The following DCC variants were observed in gnomAD, a reference collection of about 807,000 sequenced individuals.
DCC encodes DCC netrin 1 receptor, also known as netrin receptor DCC.
In DCC, 58 loss-of-function variants were observed where a neutral mutation model predicts 172.5. That is an observed-to-expected ratio of 0.34 (90% confidence interval 0.27 to 0.42). The LOEUF is 0.42. Ranked by LOEUF, DCC falls within the 10% of genes least tolerant of loss-of-function variation. The probability of loss-of-function intolerance (pLI) is 1.00; values close to 1 mark genes in which losing one functional copy is unlikely to be tolerated. For synonymous variants in DCC, 709 were observed against 644.5 expected (o/e 1.10, Z -1.52); for missense variants, 1,740 against 1,791.0 (o/e 0.97, Z 0.51).
intron 22 of DCC, among the ~76,000 whole-genome samples, chr18:53,444,674 A>G (rs1912488151): frequency 6.6e-6 from 1 of 152,260 alleles, no homozygotes; most frequent in Admixed American, 6.5e-5. Flanking sequence ...GTATTTTTAA[A>G]TTAAGGTGTG....
intron 12 of DCC, among the ~76,000 whole-genome samples, chr18:53,232,421 T>C (rs914766823): frequency 2.0e-5 from 3 of 152,184 alleles, no homozygotes; most frequent in East Asian, 1.9e-4. Flanking sequence ...CATTATCTTA[T>C]GGACTTATTA....
At position 53,516,690 on chromosome 18, in the gene DCC, T is replaced by C. The variant is rs1348891247; in HGVS notation, c.4112-9927T>C. Among the ~76,000 whole-genome samples, 3 of 150,234 alleles carry C rather than the reference T, an allele frequency of 2.0e-5. No homozygotes were observed. The East Asian group carries it at 5.9e-4, about 29-fold the overall frequency. On this transcript the variant is annotated intron_variant, in intron 27 of 28. Transcript: ENST00000442544. ...CACATTTATGCAGCCAAAAAACACA[T>C]GAAAAAATGCTTATCATCACTGGCC...
chr18:52,994,035 C>T (rs1235322499), intron 5 of DCC, among the ~76,000 whole-genome samples: 1 of 152,012 alleles, frequency 6.6e-6, no homozygotes, highest in African/African-American at 2.4e-5. Context: ...CTATCCAGCT[C>T]AGTTATGTTA....
chr18:52,409,630 G>T (rs2144399437), intron 1 of DCC, among the ~76,000 whole-genome samples: 1 of 152,154 alleles, frequency 6.6e-6, no homozygotes, highest in South Asian at 2.1e-4. Flanking sequence ...AGTGACATGT[G>T]GGAACAAAGA....
intron 17 of DCC, among the ~76,000 whole-genome samples, chr18:53,395,895 G>A (rs148843589): frequency 0.11 from 16,940 of 152,054 alleles, 1,018 homozygotes; most frequent in East Asian, 0.22. Context: ...CATCCGCCTC[G>A]GCCTCCCAAA....
At chr18:53,309,396 T>C (rs759749114) in intron 13 of DCC, among the ~76,000 whole-genome samples, 51 of 152,092 alleles carry the variant, frequency 3.4e-4, no homozygotes, top group Non-Finnish European at 6.2e-4. Flanking sequence ...CCAGGATGAC[T>C]TCATCTTGAG....
chr18:52,991,576 T>G (rs1024413763), intron 5 of DCC, among the ~76,000 whole-genome samples: 1 of 152,184 alleles, frequency 6.6e-6, no homozygotes, highest in African/African-American at 2.4e-5. Context: ...AGTTTCTCTC[T>G]CTACATGATT....
At chr18:52,957,445 A>G (rs1333745715) in intron 5 of DCC, among the ~76,000 whole-genome samples, 1 of 152,134 alleles carries the variant, frequency 6.6e-6, no homozygotes. Context: ...CAGCAGAACA[A>G]AGGAACTAAA....
rs532905516 is a variant in DCC, at chr18:53,076,955, A to G, written c.1261+10789A>G. On this transcript the variant is annotated intron_variant, in intron 7 of 28. Coordinates refer to ENST00000442544, the MANE Select transcript of DCC (RefSeq NM_005215.4). ...GCTCCATTCTTGCCTCTGTAGCCTT[A>G]TCATTTGTGCACCTTTATGCCACCA... is the stretch of plus-strand genomic sequence containing the variant. Among the ~76,000 whole-genome samples, 8 of 152,274 alleles carry G rather than the reference A, an allele frequency of 5.3e-5. No homozygotes were observed. In the East Asian group the frequency reaches 1.5e-3, roughly 29 times the overall value.
At chr18:53,459,073 AG>A (rs1599173057) in intron 23 of DCC, among the ~76,000 whole-genome samples, 158 bp from the exon 24 acceptor site, 1 of 152,204 alleles carries the variant, frequency 6.6e-6, no homozygotes, top group African/African-American at 2.4e-5. Flanking sequence ...GGAAGAGGAA[AG>A]GCAGCCAAGA....
chr18:53,048,203 G>T (rs577754834), intron 5 of DCC, among the ~76,000 whole-genome samples: 1 of 151,414 alleles, frequency 6.6e-6, no homozygotes, highest in Non-Finnish European at 1.5e-5. Flanking sequence ...TGTTTTACAG[G>T]TTATTTCATC....
At chr18:52,599,601 G>A (rs2144813908) in intron 1 of DCC, among the ~76,000 whole-genome samples, 1 of 152,126 alleles carries the variant, frequency 6.6e-6, no homozygotes, top group South Asian at 2.1e-4. Flanking sequence ...TGCAACCTCT[G>A]CCTCCTGGGT....
chr18:53,148,746 AAAGTT>A (rs1445348485), intron 7 of DCC, among the ~76,000 whole-genome samples: 4 of 152,284 alleles, frequency 2.6e-5, no homozygotes, highest in African/African-American at 4.8e-5. Context: ...TGCAACCTGA[AAAGTT>A]AAGTAGAGAA....
At chr18:52,369,041 A>G (rs572536295) in intron 1 of DCC, among the ~76,000 whole-genome samples, 1 of 152,318 alleles carries the variant, frequency 6.6e-6, no homozygotes, top group African/African-American at 2.4e-5. Flanking sequence ...GAGAATGGCA[A>G]GTCTTTCTCT....
chr18:53,494,542 A>G (rs1242082951), intron 26 of DCC, among the ~76,000 whole-genome samples: 1 of 152,204 alleles, frequency 6.6e-6, no homozygotes, highest in African/African-American at 2.4e-5. Flanking sequence ...TTCTTGTTGC[A>G]TTGATCCCTT....
chr18:53,373,761 T>G (rs1012077742), intron 15 of DCC, among the ~76,000 whole-genome samples: 1 of 151,934 alleles, frequency 6.6e-6, no homozygotes, highest in Non-Finnish European at 1.5e-5. Flanking sequence ...AAATCATGAG[T>G]TTTTGAAAGT....
chr18:53,375,304 C>T (rs56242033), intron 15 of DCC, among the ~76,000 whole-genome samples: 7,031 of 152,038 alleles, frequency 0.046, 511 homozygotes, highest in African/African-American at 0.16. Flanking sequence ...GATCCCTTGC[C>T]CTCACTCAGA....
intron 6 of DCC, among the ~76,000 whole-genome samples, chr18:53,063,879 T>C (rs2042531134): frequency 1.3e-5 from 2 of 152,166 alleles, no homozygotes; most frequent in African/African-American, 4.8e-5. Flanking sequence ...ATTATGGAAG[T>C]CTTCACTTGG....
chr18:52,869,784 C>G (rs919620363), intron 2 of DCC, among the ~76,000 whole-genome samples: 1 of 152,172 alleles, frequency 6.6e-6, no homozygotes, highest in African/African-American at 2.4e-5. Context: ...TGTGACAGCC[C>G]GGGCTTGGCC....
Sources: allele counts gnomAD v4.1 joint callset (sites outside exome capture counted in the v4.1 genomes callset), GRCh38; gene constraint gnomAD v4.1.1; transcripts MANE v1.5; gene names NCBI Gene and HGNC (gene_info 2026-07-23, HGNC 2026-07-21).